LRRC1: variants seen among roughly 807,000 people sequenced by gnomAD.
LRRC1 encodes leucine-rich repeat-containing protein 1.
A neutral mutation model predicts 69.9 loss-of-function variants in LRRC1; 28 were observed. The ratio of observed to expected loss-of-function variants is 0.40; its 90% CI spans 0.30 to 0.55. LRRC1 has a LOEUF of 0.55. Ranked by LOEUF, LRRC1 falls within the 20% of genes least tolerant of loss-of-function variation. The probability of loss-of-function intolerance (pLI) is 0.47; values close to 1 mark genes in which losing one functional copy is unlikely to be tolerated. For missense variants in LRRC1, 498 were observed against 609.0 expected, an observed-to-expected ratio of 0.82 and a Z score of 1.92; for synonymous variants, 236 against 240.2, an observed-to-expected ratio of 0.98 and a Z score of 0.16.
intron 11 of LRRC1, among the ~76,000 whole-genome samples, chr6:53,916,541 A>G (rs1186593064): frequency 6.6e-6 from 1 of 152,138 alleles, no homozygotes; most frequent in Non-Finnish European, 1.5e-5. Flanking sequence ...AAAAAAAATC[A>G]CTTATTTGTG....
chr6:53,908,515 T>C (rs1434782783), intron 10 of LRRC1, among the ~76,000 whole-genome samples: 1 of 152,212 alleles, frequency 6.6e-6, no homozygotes, highest in Admixed American at 6.5e-5. Flanking sequence ...CTAAAATGAA[T>C]TATTGATTAA....
At chr6:53,837,370 T>C (rs1765641847) in intron 1 of LRRC1, among the ~76,000 whole-genome samples, 1 of 152,128 alleles carries the variant, frequency 6.6e-6, no homozygotes, top group Non-Finnish European at 1.5e-5. Flanking sequence ...TGGTTTACCA[T>C]GCAACCACAT....
At chr6:53,831,682 T>C (rs181728239) in intron 1 of LRRC1, among the ~76,000 whole-genome samples, 36 of 152,290 alleles carry the variant, frequency 2.4e-4, no homozygotes, top group African/African-American at 7.5e-4. Flanking sequence ...ACAATTTGTA[T>C]GCACTCAAAG....
At chr6:53,799,899 C>T (rs1312750430) in intron 1 of LRRC1, among the ~76,000 whole-genome samples, 1 of 152,214 alleles carries the variant, frequency 6.6e-6, no homozygotes, top group Non-Finnish European at 1.5e-5. Flanking sequence ...TTTCTGTTTT[C>T]ACAATGCCAC....
chr6:53,922,486 G>A (rs766403067), intron 13 of LRRC1, 149 bp from the exon 14 acceptor site: 1 of 615,754 alleles, frequency 1.6e-6, no homozygotes, highest in Non-Finnish European at 2.7e-6. Flanking sequence ...GTTGATGAAT[G>A]CACATACATC....
At chr6:53,820,333 G>T (rs757349648) in intron 1 of LRRC1, among the ~76,000 whole-genome samples, 6 of 150,786 alleles carry the variant, frequency 4.0e-5, no homozygotes, top group Non-Finnish European at 8.8e-5. Context: ...TTTCCTAGAT[G>T]TGAAGTGGAA....
chr6:53,810,324 TA>T (rs1295443443), intron 1 of LRRC1, among the ~76,000 whole-genome samples: 1 of 152,172 alleles, frequency 6.6e-6, no homozygotes, highest in African/African-American at 2.4e-5. Flanking sequence ...AAAGTATTCT[TA>T]AAAAAGCTTT....
chr6:53,843,010 C>T (rs1765837428), intron 2 of LRRC1, among the ~76,000 whole-genome samples: 1 of 152,094 alleles, frequency 6.6e-6, no homozygotes, highest in Non-Finnish European at 1.5e-5. Context: ...TAGAGTGCTT[C>T]CCAAATGGGC....
At chr6:53,803,444 A>G (rs1764548418) in intron 1 of LRRC1, among the ~76,000 whole-genome samples, 1 of 152,156 alleles carries the variant, frequency 6.6e-6, no homozygotes. Flanking sequence ...TGATGAGACC[A>G]TGGGCCAGAT....
chr6:53,901,180 A>C (rs1281161821), intron 8 of LRRC1, among the ~76,000 whole-genome samples: 1 of 152,238 alleles, frequency 6.6e-6, no homozygotes, highest in African/African-American at 2.4e-5. Context: ...AAACGTTTAA[A>C]GGACTGTCTT....
chr6:53,881,099 A>G (rs562289282), intron 3 of LRRC1, among the ~76,000 whole-genome samples: 1 of 152,120 alleles, frequency 6.6e-6, no homozygotes, highest in Non-Finnish European at 1.5e-5. Flanking sequence ...CTGGCTTTCT[A>G]TTTGGCAGGT....
chr6:53,912,761 A>T (rs1353278025), intron 10 of LRRC1, among the ~76,000 whole-genome samples: 1 of 152,238 alleles, frequency 6.6e-6, no homozygotes, highest in Non-Finnish European at 1.5e-5. Context: ...GGCAGAAGAT[A>T]TATTCAGATA....
At chr6:53,800,675 T>G (rs976855423) in intron 1 of LRRC1, among the ~76,000 whole-genome samples, 49 of 152,128 alleles carry the variant, frequency 3.2e-4, no homozygotes, top group Admixed American at 2.0e-4. Context: ...AATCTCACTC[T>G]GTCGCCCAGT....
At chr6:53,898,922 T>C (rs1767959722) in intron 7 of LRRC1, among the ~76,000 whole-genome samples, 1 of 152,158 alleles carries the variant, frequency 6.6e-6, no homozygotes, top group African/African-American at 2.4e-5. Flanking sequence ...GGTCCAATTA[T>C]AGGACGAGAA....
intron 8 of LRRC1, among the ~76,000 whole-genome samples, chr6:53,901,525 A>C (rs1768056368): frequency 6.6e-6 from 1 of 152,056 alleles, no homozygotes. Flanking sequence ...CAGCCTGGGC[A>C]ATAGAGTGAG....
intron 2 of LRRC1, among the ~76,000 whole-genome samples, chr6:53,854,790 A>T (rs9395881): frequency 0.2 from 30,945 of 152,200 alleles, 3,901 homozygotes; most frequent in East Asian, 0.58. Flanking sequence ...TAAAATTGGG[A>T]TCATTTAACA....
intron 4 of LRRC1, among the ~76,000 whole-genome samples, chr6:53,891,071 C>T (rs1767664194): frequency 2.0e-5 from 3 of 152,340 alleles, no homozygotes; most frequent in African/African-American, 4.8e-5. Flanking sequence ...TACATTCTGA[C>T]TTACAAAAGA....
chr6:53,876,971 C>A (rs1767092283), intron 2 of LRRC1, among the ~76,000 whole-genome samples: 1 of 152,242 alleles, frequency 6.6e-6, no homozygotes, highest in African/African-American at 2.4e-5. Flanking sequence ...GGTGCTCCAA[C>A]CCCTCATTTC....
At chr6:53,898,026 A>C (rs1767931052) in intron 7 of LRRC1, among the ~76,000 whole-genome samples, 1 of 152,160 alleles carries the variant, frequency 6.6e-6, no homozygotes, top group Non-Finnish European at 1.5e-5. Flanking sequence ...TTTTTCTCCA[A>C]CTATTACTGA....
Sources: allele counts gnomAD v4.1 joint callset (sites outside exome capture counted in the v4.1 genomes callset), GRCh38; gene constraint gnomAD v4.1.1; transcripts MANE v1.5; gene names NCBI Gene and HGNC (gene_info 2026-07-23, HGNC 2026-07-21).